ZSWIM6: variants seen among roughly 807,000 people sequenced by gnomAD.
ZSWIM6 encodes zinc finger SWIM-type containing 6, also known as zinc finger SWIM domain-containing protein 6.
A neutral mutation model predicts 113.2 loss-of-function variants in ZSWIM6; 9 were observed. The ratio of observed to expected loss-of-function variants is 0.08; its 90% CI spans 0.05 to 0.14. The LOEUF (loss-of-function observed/expected upper bound fraction) is 0.14, where lower values mean the gene tolerates loss of function less well. Among genes scored for constraint, ZSWIM6 ranks in the 10% least tolerant of loss-of-function variants. ZSWIM6 has a pLI of 1.00. For missense variants in ZSWIM6, 1,162 were observed against 1,552.2 expected, an observed-to-expected ratio of 0.75 and a Z score of 4.22; for synonymous variants, 611 against 606.5, an observed-to-expected ratio of 1.01 and a Z score of -0.11.
chr5:61,333,019 T>C, intron 1 of ZSWIM6, 71 bp downstream of exon 1: 1 of 1,092,798 alleles, frequency 9.2e-7, no homozygotes, highest in Non-Finnish European at 1.1e-6. Context: ...GTGCCCGCCT[T>C]TCTCCTGCGG....
chr5:61,358,651 TG>T (rs1418208039), intron 1 of ZSWIM6, among the ~76,000 whole-genome samples: 1 of 152,242 alleles, frequency 6.6e-6, no homozygotes, highest in Non-Finnish European at 1.5e-5. Context: ...GGTGAGGAAC[TG>T]GTATGGTTTT....
At chr5:61,377,373 T>A (rs1199650956) in intron 1 of ZSWIM6, among the ~76,000 whole-genome samples, 1 of 152,114 alleles carries the variant, frequency 6.6e-6, no homozygotes, top group Non-Finnish European at 1.5e-5. Context: ...AGTTTTTTTT[T>A]TCTTGACATA....
At chr5:61,399,451 A>ATAAGACCTTCTTTTGC (rs1311061475) in intron 1 of ZSWIM6, among the ~76,000 whole-genome samples, 1 of 152,132 alleles carries the variant, frequency 6.6e-6, no homozygotes, top group East Asian at 1.9e-4. Context: ...AAGTGAAAAC[A>ATAAGACCTTCTTTTGC]TAAGACCTTC....
chr5:61,354,266 AG>A (rs1744853513), intron 1 of ZSWIM6, among the ~76,000 whole-genome samples: 1 of 152,222 alleles, frequency 6.6e-6, no homozygotes, highest in Non-Finnish European at 1.5e-5. Flanking sequence ...ACAAGTTAAA[AG>A]CTTAGGAAGT....
intron 1 of ZSWIM6, among the ~76,000 whole-genome samples, chr5:61,415,104 TC>T (rs1746220048): frequency 6.6e-6 from 1 of 152,204 alleles, no homozygotes; most frequent in Non-Finnish European, 1.5e-5. Flanking sequence ...CTCGTACTGT[TC>T]CCTATGGCTG....
chr5:61,488,423 A>G (rs1017935963), intron 2 of ZSWIM6, among the ~76,000 whole-genome samples: 6 of 151,950 alleles, frequency 3.9e-5, no homozygotes, highest in Admixed American at 2.6e-4. Flanking sequence ...AACAGTTTCA[A>G]GACAATTAGT....
chr5:61,507,040 T>C (rs892370765), intron 4 of ZSWIM6, among the ~76,000 whole-genome samples: 11 of 152,194 alleles, frequency 7.2e-5, no homozygotes, highest in African/African-American at 2.7e-4. Context: ...CTGGACTTTC[T>C]TATTCACCTT....
chr5:61,504,497 A>G (rs1248424145), intron 4 of ZSWIM6, among the ~76,000 whole-genome samples: 1 of 152,186 alleles, frequency 6.6e-6, no homozygotes, highest in African/African-American at 2.4e-5. Context: ...AGGAAACCCA[A>G]CACCCATCAT....
intron 1 of ZSWIM6, among the ~76,000 whole-genome samples, chr5:61,441,372 T>C (rs1397502700): frequency 2.0e-5 from 3 of 152,176 alleles, no homozygotes; most frequent in Admixed American, 6.5e-5. Flanking sequence ...ACTTATTAAA[T>C]GCTTAAATAT....
In ZSWIM6 at chr5:61,456,453, A is replaced by G. The variant is rs545552019; in HGVS notation, c.677-16228A>G. Among the ~76,000 whole-genome samples the G allele has an allele frequency of 2.6e-5, 4 of 152,292 alleles. No individual in the cohort carries two copies. The East Asian group carries it at 7.7e-4, about 29-fold the overall frequency. On this transcript the variant is annotated intron_variant, in intron 1 of 13. Coordinates refer to ENST00000252744, the MANE Select transcript of ZSWIM6 (RefSeq NM_020928.2). ...TAGACCGGCAGAGGTGACCCCACCA[A>G]GGAAAAAAAAAGAAAACAAAAACCT...
At chr5:61,364,847 C>T (rs1039941228) in intron 1 of ZSWIM6, among the ~76,000 whole-genome samples, 3 of 152,176 alleles carry the variant, frequency 2.0e-5, no homozygotes, top group Non-Finnish European at 4.4e-5. Context: ...TACCACCTAA[C>T]ACCATCACAT....
At chr5:61,523,479 A>G (rs1474583825) in intron 5 of ZSWIM6, among the ~76,000 whole-genome samples, 4 of 152,344 alleles carry the variant, frequency 2.6e-5, no homozygotes, top group African/African-American at 7.2e-5. Flanking sequence ...TAGAAGAACA[A>G]AAATATCTCC....
intron 1 of ZSWIM6, among the ~76,000 whole-genome samples, chr5:61,381,630 G>C (rs1301826384): frequency 6.6e-6 from 1 of 152,102 alleles, no homozygotes; most frequent in Non-Finnish European, 1.5e-5. Flanking sequence ...GTGGCTACTT[G>C]GCTATGGAAA....
intron 1 of ZSWIM6, among the ~76,000 whole-genome samples, chr5:61,464,701 C>T (rs1360423279): frequency 6.6e-6 from 1 of 152,192 alleles, no homozygotes; most frequent in Non-Finnish European, 1.5e-5. Flanking sequence ...TTTCCCCTTC[C>T]TCTTGGCCCT....
intron 4 of ZSWIM6, among the ~76,000 whole-genome samples, chr5:61,515,189 T>C (rs1748897780): frequency 6.6e-6 from 1 of 152,152 alleles, no homozygotes; most frequent in African/African-American, 2.4e-5. Context: ...ATCTCTGAGA[T>C]CTATAATGAT....
Position 61,530,108 on chromosome 5 carries a change from C to G in ZSWIM6, c.1894C>G (p.Pro632Ala). Residue 632 changes from proline (P) to alanine (A), a missense_variant, in exon 8 of 14, where the codon CCC (proline) becomes GCC (alanine). Physicochemically the swap from Pro to Ala is conservative, Grantham distance 27 (BLOSUM62 -1). This residue lies in a region of ZSWIM6 where 620 missense variants were observed against 804.6 expected (regional missense o/e 0.77). Transcript: ENST00000252744. The part of the protein sequence containing the change: ...ITNLEGWVGH[P>A]LDPVGTLFSS... ...CAATCTGGAGGGCTGGGTTGGACAT[C>G]CCCTGGACCCTGTGGGCACTCTCTT... 6.4e-7 allele frequency: 1 copy of G among 1,551,684 alleles called. No individual in the cohort carries two copies. Among genetic ancestry groups the G allele is most frequent in the Non-Finnish European group, 8.7e-7 (1 of 1,146,924 alleles).
chr5:61,356,720 AC>A (rs1334791302), intron 1 of ZSWIM6, among the ~76,000 whole-genome samples: 11 of 99,186 alleles, frequency 1.1e-4, no homozygotes, highest in East Asian at 3.1e-4. Context: ...AATATATATA[AC>A]ATAATATATA....
At chr5:61,457,862 C>G (rs1413884694) in intron 1 of ZSWIM6, among the ~76,000 whole-genome samples, 1 of 152,050 alleles carries the variant, frequency 6.6e-6, no homozygotes, top group Non-Finnish European at 1.5e-5. Flanking sequence ...TACTGAAGTA[C>G]TGTGTTTTTG....
intron 1 of ZSWIM6, among the ~76,000 whole-genome samples, chr5:61,430,285 T>C (rs1746552166): frequency 6.6e-6 from 1 of 152,324 alleles, no homozygotes; most frequent in African/African-American, 2.4e-5. Flanking sequence ...GGTAATCATA[T>C]CAAAATGATT....
Sources: allele counts gnomAD v4.1 joint callset (sites outside exome capture counted in the v4.1 genomes callset), GRCh38; gene constraint gnomAD v4.1.1; regional missense constraint gnomAD v4.1.1; transcripts MANE v1.5; gene names NCBI Gene and HGNC (gene_info 2026-07-23, HGNC 2026-07-21).